The following ROBO2 variants were observed in gnomAD, a reference collection of about 807,000 sequenced individuals.
The protein encoded by ROBO2 is roundabout guidance receptor 2.
ROBO2 carries 53 observed loss-of-function variants against 160.8 expected under a neutral mutation model. The ratio of observed to expected loss-of-function variants is 0.33; its 90% CI spans 0.26 to 0.41. The LOEUF (loss-of-function observed/expected upper bound fraction) is 0.41, where lower values mean the gene tolerates loss of function less well. Ranked by LOEUF, ROBO2 falls within the 10% of genes least tolerant of loss-of-function variation. ROBO2 has a pLI of 1.00. For missense variants in ROBO2, 1,577 were observed against 1,722.4 expected, an observed-to-expected ratio of 0.92 and a Z score of 1.49; for synonymous variants, 664 against 611.7, an observed-to-expected ratio of 1.09 and a Z score of -1.26.
At chr3:76,505,443 A>G (rs1360543761) in intron 2 of ROBO2, among the ~76,000 whole-genome samples, 1 of 152,130 alleles carries the variant, frequency 6.6e-6, no homozygotes, top group Non-Finnish European at 1.5e-5. Flanking sequence ...TCAAGTGCCA[A>G]CTGCTGGCAC....
rs1005581205 is a variant in ROBO2 at position 76,950,171 on chromosome 3, A to G, written c.110-147843A>G. 1.4e-4 allele frequency among the ~76,000 whole-genome samples: 22 copies of G among 152,264 alleles called. 1 individual carries two copies. The East Asian group carries it at 1.5e-3, about 11-fold the overall frequency. The stretch of plus-strand genomic sequence containing the variant: ...TAGGTGGTCTCTTTAAAATTTCCTA[A>G]CACTGGGAGGATTACAATTTTTCAT... On this transcript the variant is annotated intron_variant, in intron 2 of 26. Coordinates refer to the ROBO2 transcript ENST00000487694.
At chr3:76,300,632 A>G (rs1223450398) in intron 2 of ROBO2, among the ~76,000 whole-genome samples, 1 of 152,022 alleles carries the variant, frequency 6.6e-6, no homozygotes, top group Non-Finnish European at 1.5e-5. Context: ...ATGCATATAT[A>G]TATATAAATA....
intron 2 of ROBO2, among the ~76,000 whole-genome samples, chr3:76,145,887 C>G (rs1463955075): frequency 6.6e-6 from 1 of 151,998 alleles, no homozygotes; most frequent in Non-Finnish European, 1.5e-5. Flanking sequence ...TTTACTTTCA[C>G]ACACTAAACT....
chr3:76,768,223 C>G (rs899318609), intron 2 of ROBO2, among the ~76,000 whole-genome samples: 1 of 151,312 alleles, frequency 6.6e-6, no homozygotes, highest in Non-Finnish European at 1.5e-5. Flanking sequence ...GTGAAGCCCT[C>G]AGAGTTCCTC....
intron 2 of ROBO2, among the ~76,000 whole-genome samples, chr3:76,399,754 T>C (rs1416377476): frequency 6.6e-6 from 1 of 151,750 alleles, no homozygotes; most frequent in South Asian, 2.1e-4. Context: ...CCATAACTCC[T>C]AACTCTGTAA....
intron 2 of ROBO2, among the ~76,000 whole-genome samples, chr3:76,503,201 T>A (rs544686044): frequency 1.3e-5 from 2 of 152,256 alleles, no homozygotes; most frequent in African/African-American, 4.8e-5. Flanking sequence ...GAGAAAGATG[T>A]AGGCTGGGAG....
At chr3:76,210,876 A>G (rs1338031343) in intron 2 of ROBO2, among the ~76,000 whole-genome samples, 3 of 152,086 alleles carry the variant, frequency 2.0e-5, no homozygotes, top group East Asian at 1.9e-4. Context: ...TAAATCTATC[A>G]TTTGTGTATA....
chr3:76,532,566 C>A (rs1312858459), intron 2 of ROBO2, among the ~76,000 whole-genome samples: 1 of 152,134 alleles, frequency 6.6e-6, no homozygotes, highest in African/African-American at 2.4e-5. Flanking sequence ...TACCATTTGA[C>A]CTTGCCACTT....
chr3:76,076,965 G>A (rs913471516), intron 2 of ROBO2, among the ~76,000 whole-genome samples: 55 of 152,238 alleles, frequency 3.6e-4, no homozygotes, highest in African/African-American at 1.3e-3. Flanking sequence ...TCCTGAAGTT[G>A]GAGTATTGGC....
At chr3:77,103,141 A>T (rs2072251210) in intron 2 of ROBO2, among the ~76,000 whole-genome samples, 1 of 152,206 alleles carries the variant, frequency 6.6e-6, no homozygotes, top group Non-Finnish European at 1.5e-5. Flanking sequence ...CCTGTGATGC[A>T]GCTGAGTCAG....
At position 76,797,873 on chromosome 3, in the gene ROBO2, GAAATGTAAAACCA is replaced by G. The variant is rs2063820614; in HGVS notation, c.110-300137_110-300125del. ...CAATCTGTCAAGATTCAACCATGAA[GAAATGTAAAACCA>G]AAACCTGAATCAACCAATAACAAAT... On this transcript the variant is annotated intron_variant, in intron 2 of 26. Transcript: ENST00000487694. Among the ~76,000 whole-genome samples the G allele has an allele frequency of 2.6e-5, 4 of 151,814 alleles. No homozygotes were observed. In the South Asian group the frequency reaches 8.3e-4, roughly 32 times the overall value.
intron 2 of ROBO2, among the ~76,000 whole-genome samples, chr3:76,658,024 G>A (rs1469087405): frequency 2.0e-5 from 3 of 147,606 alleles, no homozygotes; most frequent in Non-Finnish European, 4.5e-5. Context: ...CCATTATTAT[G>A]CCACGGCACT....
At chr3:76,559,608 G>C (rs942109763) in intron 2 of ROBO2, among the ~76,000 whole-genome samples, 2 of 152,068 alleles carry the variant, frequency 1.3e-5, no homozygotes, top group Non-Finnish European at 2.9e-5. Flanking sequence ...AAAGCGGTGG[G>C]ATGCTGGTAA....
chr3:77,602,531 T>A (rs754668778), intron 20 of ROBO2, 40 bp downstream of exon 21: 1 of 1,606,308 alleles, frequency 6.2e-7, no homozygotes, highest in African/African-American at 1.3e-5. Flanking sequence ...TATTTTCATA[T>A]CATTTGTGCA....
Position 77,546,473 on chromosome 3 carries a change from G to T in ROBO2, c.1059+11G>T. On this transcript the variant is annotated intron_variant, in intron 7 of 25. Transcript: ENST00000461745. ...AAAGAAGGCAGCCAGGTGAGTGTGA[G>T]GCTTCACTGCTTTTCTGAAATCTCT... The T allele has an allele frequency of 6.2e-7, 1 of 1,612,828 alleles. No homozygotes were observed. Among genetic ancestry groups the T allele is most frequent in the Non-Finnish European group, 8.5e-7 (1 of 1,179,044 alleles).
chr3:76,292,962 G>C (rs1708878570), intron 2 of ROBO2, among the ~76,000 whole-genome samples: 2 of 146,596 alleles, frequency 1.4e-5, no homozygotes, highest in Admixed American at 1.3e-4. Flanking sequence ...AAAGTACTAG[G>C]GTTTTTTTTT....
At chr3:77,518,640 A>G (rs1369405134) in intron 5 of ROBO2, among the ~76,000 whole-genome samples, 1 of 151,490 alleles carries the variant, frequency 6.6e-6, no homozygotes, top group African/African-American at 2.4e-5. Flanking sequence ...TAGGCTCTGA[A>G]TCCTATCAAG....
intron 2 of ROBO2, among the ~76,000 whole-genome samples, chr3:75,977,773 G>A (rs2065170891): frequency 6.6e-6 from 1 of 151,404 alleles, no homozygotes; most frequent in Admixed American, 6.6e-5. Flanking sequence ...AAGATAAATT[G>A]CATTATACAT....
chr3:77,094,016 A>G (rs911892913), intron 1 of ROBO2, among the ~76,000 whole-genome samples: 16 of 152,210 alleles, frequency 1.1e-4, no homozygotes, highest in African/African-American at 3.9e-4. Context: ...AAATTTACCC[A>G]AAGTATAAAA....
Sources: gnomAD v4.1 joint callset for allele counts (sites outside exome capture counted in the v4.1 genomes callset) on GRCh38, gnomAD v4.1.1 for gene constraint, MANE v1.5 for transcripts, NCBI Gene and HGNC (gene_info 2026-07-23, HGNC 2026-07-21) for gene names.